The following FAT3 variants were observed in gnomAD, a reference collection of about 807,000 sequenced individuals.
FAT3 encodes protocadherin Fat 3.
In FAT3, 95 loss-of-function variants were observed where a neutral mutation model predicts 310.2. The observed-to-expected ratio is 0.31, with a 90% CI of 0.26 to 0.36. The LOEUF is 0.36. Ranked by LOEUF, FAT3 falls within the 10% of genes least tolerant of loss-of-function variation. The probability of loss-of-function intolerance (pLI) is 1.00; values close to 1 mark genes in which losing one functional copy is unlikely to be tolerated. For missense variants in FAT3, 5,408 were observed against 5,715.6 expected (o/e 0.95, Z 1.74); for synonymous variants, 2,314 against 2,192.9 (o/e 1.06, Z -1.54).
At chr11:92,806,323 A>T (rs748265894) in intron 11 of FAT3, 39 bp from the exon 12 acceptor site, 42 of 1,552,814 alleles carry the variant, frequency 2.7e-5, no homozygotes, top group Middle Eastern at 1.7e-4. Context: ...GCCCCCACAA[A>T]TACTAATGAT....
At chr11:92,548,667 C>G (rs909479300) in intron 3 of FAT3, among the ~76,000 whole-genome samples, 1 of 152,082 alleles carries the variant, frequency 6.6e-6, no homozygotes, top group South Asian at 2.1e-4. Flanking sequence ...CTAAGTTTCC[C>G]TAGAAACCTA....
At chr11:92,320,451 G>A (rs1353171862) in intron 1 of FAT3, among the ~76,000 whole-genome samples, 2 of 151,980 alleles carry the variant, frequency 1.3e-5, no homozygotes, top group African/African-American at 4.8e-5. Flanking sequence ...AAAAATTATA[G>A]GTAACAAGTT....
chr11:92,266,261 A>C (rs1945944853), intron 1 of FAT3, among the ~76,000 whole-genome samples: 1 of 152,136 alleles, frequency 6.6e-6, no homozygotes, highest in South Asian at 2.1e-4. Context: ...TTCATTCTCT[A>C]GTTTGAGAAC....
chr11:92,258,426 G>T (rs1865400582), intron 1 of FAT3, among the ~76,000 whole-genome samples: 1 of 152,090 alleles, frequency 6.6e-6, no homozygotes, highest in African/African-American at 2.4e-5. Context: ...GTGGGAGAGG[G>T]CATTTGCACT....
intron 3 of FAT3, among the ~76,000 whole-genome samples, chr11:92,568,244 G>C (rs1051763624): frequency 6.6e-6 from 1 of 152,014 alleles, no homozygotes; most frequent in Non-Finnish European, 1.5e-5. Context: ...TTCTAAATAC[G>C]TTTAAGTTCC....
intron 1 of FAT3, among the ~76,000 whole-genome samples, chr11:92,248,966 T>G (rs1027052187): frequency 3.9e-5 from 6 of 152,100 alleles, no homozygotes; most frequent in Non-Finnish European, 8.8e-5. Flanking sequence ...AGTGAATGGA[T>G]TACCTACGAT....
intron 3 of FAT3, among the ~76,000 whole-genome samples, chr11:92,537,939 T>C (rs1395124846): frequency 6.6e-6 from 1 of 152,074 alleles, no homozygotes; most frequent in East Asian, 1.9e-4. Context: ...GGGGGAGATA[T>C]CAGGGAAAGA....
chr11:92,545,918 T>A (rs1288634400), intron 3 of FAT3, among the ~76,000 whole-genome samples: 1 of 152,216 alleles, frequency 6.6e-6, no homozygotes, highest in South Asian at 2.1e-4. Context: ...GATATTTGAA[T>A]GTGACTGGGC....
chr11:92,334,794 A>G (rs1246482785), intron 1 of FAT3, among the ~76,000 whole-genome samples: 1 of 152,214 alleles, frequency 6.6e-6, no homozygotes, highest in Non-Finnish European at 1.5e-5. Flanking sequence ...GCCCCAGGCC[A>G]GCATATGTGA....
intron 2 of FAT3, among the ~76,000 whole-genome samples, chr11:92,501,269 T>C (rs902652181): frequency 4.6e-5 from 7 of 152,046 alleles, no homozygotes; most frequent in Admixed American, 1.3e-4. Flanking sequence ...TTAGTTCAGG[T>C]TGTAAAATAT....
At chr11:92,676,701 G>A (rs1315287428) in intron 3 of FAT3, among the ~76,000 whole-genome samples, 1 of 152,162 alleles carries the variant, frequency 6.6e-6, no homozygotes, top group Non-Finnish European at 1.5e-5. Flanking sequence ...ATTACGGGAT[G>A]GCTGGAGAAC....
chr11:92,402,695 G>C (rs1356062999), intron 2 of FAT3, among the ~76,000 whole-genome samples: 3 of 151,264 alleles, frequency 2.0e-5, no homozygotes, highest in Non-Finnish European at 4.4e-5. Flanking sequence ...TCACACCACA[G>C]CGCTCCAGCA....
intron 3 of FAT3, among the ~76,000 whole-genome samples, chr11:92,680,619 C>T (rs562761190): frequency 1.3e-4 from 20 of 152,164 alleles, no homozygotes; most frequent in South Asian, 4.2e-4. Context: ...ATGAATTTTA[C>T]GGTTTTTTTT....
intron 2 of FAT3, among the ~76,000 whole-genome samples, chr11:92,472,888 G>GC (rs1951945179): frequency 6.6e-6 from 1 of 152,152 alleles, no homozygotes; most frequent in Admixed American, 6.6e-5. Flanking sequence ...CTGCCCCCTT[G>GC]CCCAGGAACC....
chr11:92,381,300 G>T (rs375819088), intron 2 of FAT3, among the ~76,000 whole-genome samples: 1 of 152,086 alleles, frequency 6.6e-6, no homozygotes, highest in African/African-American at 2.4e-5. Flanking sequence ...ACTTGAGGTC[G>T]GTCAGGAGTT....
At chr11:92,878,324 A>T (rs1949581128) in intron 22 of FAT3, among the ~76,000 whole-genome samples, 1 of 152,182 alleles carries the variant, frequency 6.6e-6, no homozygotes, top group Non-Finnish European at 1.5e-5. Flanking sequence ...GTAACTGATT[A>T]TACATTTTGT....
intron 1 of FAT3, among the ~76,000 whole-genome samples, chr11:92,286,650 C>G (rs900303868): frequency 6.6e-6 from 1 of 152,182 alleles, no homozygotes; most frequent in Admixed American, 6.6e-5. Context: ...ATTTAAGCCA[C>G]AGTTAAGAGC....
At chr11:92,444,650 G>A (rs1286836079) in intron 2 of FAT3, among the ~76,000 whole-genome samples, 1 of 132,714 alleles carries the variant, frequency 7.5e-6, no homozygotes, top group African/African-American at 3.0e-5. Flanking sequence ...TGATATTAAT[G>A]GATATTACTG....
In FAT3 at chr11:92,800,432, T is replaced by C. The variant is rs775435066; in HGVS notation, c.7419T>C (p.Asp2473=). Residue 2473 remains aspartate (D), a synonymous_variant, in exon 10 of 28, where the codon GAT becomes GAC. Coordinates refer to ENST00000525166, the MANE Select transcript of FAT3 (RefSeq NM_001367949.2). ...ACAGTCTCAATGTGTCTGTCTCTGA[T>C]GGGTTGTTCACCAGCACTGCACAGG... ...PLYSLNVSVS[D]GLFTSTAQVH... 2.9e-5 allele frequency: 47 copies of C among 1,613,900 alleles called. No homozygotes were observed. In the East Asian group the frequency reaches 9.8e-4, roughly 34 times the overall value.
Sources: gnomAD v4.1 joint callset for allele counts (sites outside exome capture counted in the v4.1 genomes callset) on GRCh38, gnomAD v4.1.1 for gene constraint, MANE v1.5 for transcripts, NCBI Gene and HGNC (gene_info 2026-07-23, HGNC 2026-07-21) for gene names.